PAK1: variants seen among roughly 807,000 people sequenced by gnomAD.
The protein encoded by PAK1 is serine/threonine-protein kinase PAK 1.
PAK1 carries 29 observed loss-of-function variants against 67.4 expected under a neutral mutation model. The observed-to-expected ratio is 0.43, with a 90% CI of 0.32 to 0.59. PAK1 has a LOEUF of 0.59. PAK1 is among the 20% of genes least tolerant of loss of function. The pLI is 0.07. For missense variants in PAK1, 337 were observed against 670.7 expected, an observed-to-expected ratio of 0.50 and a Z score of 5.50; for synonymous variants, 223 against 237.4, an observed-to-expected ratio of 0.94 and a Z score of 0.56.
At chr11:77,345,622 T>TA (rs1404479353) in intron 9 of PAK1, among the ~76,000 whole-genome samples, 1 of 152,162 alleles carries the variant, frequency 6.6e-6, no homozygotes, top group East Asian at 1.9e-4. Flanking sequence ...AGTAATTCTG[T>TA]AAAAAAATCT....
intron 1 of PAK1, among the ~76,000 whole-genome samples, chr11:77,421,049 A>T (rs943465048): frequency 2.0e-5 from 3 of 152,214 alleles, no homozygotes; most frequent in Non-Finnish European, 4.4e-5. Context: ...TCTTCTGCTT[A>T]AAATCTTCCT....
At chr11:77,364,085 T>A (rs549269066) in intron 5 of PAK1, among the ~76,000 whole-genome samples, 1 of 152,336 alleles carries the variant, frequency 6.6e-6, no homozygotes, top group African/African-American at 2.4e-5. Flanking sequence ...TCAGCTCTAT[T>A]AGCCTGAAGC....
intron 1 of PAK1, among the ~76,000 whole-genome samples, chr11:77,461,827 G>A (rs1385089909): frequency 6.6e-6 from 1 of 152,142 alleles, no homozygotes; most frequent in African/African-American, 2.4e-5. Context: ...GCACTTTAAA[G>A]AAACCCATAC....
chr11:77,385,793 G>C (rs1950373036), intron 2 of PAK1, among the ~76,000 whole-genome samples: 1 of 152,196 alleles, frequency 6.6e-6, no homozygotes, highest in Admixed American at 6.5e-5. Flanking sequence ...AGGAGGTGGA[G>C]GTTGCAGTGA....
At chr11:77,464,757 C>T (rs563945540) in intron 1 of PAK1, among the ~76,000 whole-genome samples, 6 of 152,302 alleles carry the variant, frequency 3.9e-5, no homozygotes, top group South Asian at 2.1e-4. Context: ...AGAACACTTA[C>T]GTTCACCTAC....
chr11:77,488,597 T>C, the PAK1 span, among the ~76,000 whole-genome samples: 1 of 151,894 alleles, frequency 6.6e-6, no homozygotes, highest in African/African-American at 2.4e-5. Flanking sequence ...GCAAAGAGAT[T>C]GAAATAACTT....
chr11:77,368,079 C>G (rs542978772), intron 5 of PAK1, among the ~76,000 whole-genome samples: 2 of 152,302 alleles, frequency 1.3e-5, no homozygotes, highest in South Asian at 4.1e-4. Context: ...CAAAATAATT[C>G]AAGCAATTTC....
At chr11:77,393,959 C>T (rs551249821) in intron 1 of PAK1, among the ~76,000 whole-genome samples, 164 of 152,242 alleles carry the variant, frequency 1.1e-3, no homozygotes, top group Admixed American at 2.5e-3. Flanking sequence ...ACCAAGATCG[C>T]ACCACTGTAC....
chr11:77,383,412 C>G (rs1950087013), intron 2 of PAK1, among the ~76,000 whole-genome samples: 1 of 151,172 alleles, frequency 6.6e-6, no homozygotes, highest in South Asian at 2.1e-4. Flanking sequence ...GCAACCTCCA[C>G]CTCCCCGGTT....
intron 14 of PAK1, 78 bp from the exon 15 acceptor site, chr11:77,323,438 A>G (rs1938850314): frequency 2.1e-6 from 2 of 974,528 alleles, no homozygotes; most frequent in African/African-American, 3.2e-5. Context: ...ACATAAAGGC[A>G]TCTTTGTTTG....
upstream of PAK1, among the ~76,000 whole-genome samples, chr11:77,478,510 A>G (rs1219008893): frequency 6.6e-6 from 1 of 152,052 alleles, no homozygotes; most frequent in Non-Finnish European, 1.5e-5. Flanking sequence ...CGGTGGCCCA[A>G]GCCTGTAATC....
At chr11:77,338,024 G>A (rs146730294) in intron 11 of PAK1, among the ~76,000 whole-genome samples, 2 of 152,184 alleles carry the variant, frequency 1.3e-5, no homozygotes, top group East Asian at 1.9e-4. Context: ...GGTTGAACCC[G>A]GCAAAGGGTA....
intron 1 of PAK1, among the ~76,000 whole-genome samples, chr11:77,437,989 C>T (rs1956202934): frequency 6.6e-6 from 1 of 152,096 alleles, no homozygotes; most frequent in Non-Finnish European, 1.5e-5. Flanking sequence ...AGGTACCTCA[C>T]AAGCATTTCC....
chr11:77,428,802 G>A (rs974979088), intron 1 of PAK1, among the ~76,000 whole-genome samples: 1 of 151,638 alleles, frequency 6.6e-6, no homozygotes, highest in Non-Finnish European at 1.5e-5. Flanking sequence ...TCAGGAGAGA[G>A]GGGTGCCCTG....
intron 5 of PAK1, among the ~76,000 whole-genome samples, chr11:77,365,943 G>A (rs1947520420): frequency 6.6e-6 from 1 of 151,980 alleles, no homozygotes; most frequent in South Asian, 2.1e-4. Flanking sequence ...CTGACATCAT[G>A]TACAAGGCCA....
chr11:77,393,104 T>C (rs1321302987), intron 1 of PAK1, among the ~76,000 whole-genome samples: 3 of 151,828 alleles, frequency 2.0e-5, no homozygotes, highest in Non-Finnish European at 1.5e-5. Flanking sequence ...AAATTGTCTA[T>C]GGCTTTTTTT....
the PAK1 span, among the ~76,000 whole-genome samples, chr11:77,498,303 A>C: frequency 6.6e-6 from 1 of 152,254 alleles, no homozygotes; most frequent in Non-Finnish European, 1.5e-5. Context: ...ATTATTCCAA[A>C]AGGAAAAGTT....
At chr11:77,333,607 G>A (rs535149760) in intron 13 of PAK1, among the ~76,000 whole-genome samples, 1 of 152,196 alleles carries the variant, frequency 6.6e-6, no homozygotes, top group Admixed American at 6.5e-5. Flanking sequence ...CTTCACCTCA[G>A]TCATCCAAGA....
chr11:77,405,380 CA>C (rs1214243476), intron 1 of PAK1, among the ~76,000 whole-genome samples: 1 of 152,068 alleles, frequency 6.6e-6, no homozygotes. Flanking sequence ...CAGAGGAGAA[CA>C]GGCTGCAGGG....
Sources: gnomAD v4.1 joint callset for allele counts (sites outside exome capture counted in the v4.1 genomes callset) on GRCh38, gnomAD v4.1.1 for gene constraint, MANE v1.5 for transcripts, NCBI Gene and HGNC (gene_info 2026-07-23, HGNC 2026-07-21) for gene names.